Variants in CACNA1F observed in about 807,000 individuals in gnomAD.
CACNA1F encodes calcium voltage-gated channel subunit alpha1 F.
CACNA1F carries 59 observed loss-of-function variants against 143.8 expected under a neutral mutation model. That is an observed-to-expected ratio of 0.41 (90% CI 0.33 to 0.51). The LOEUF is 0.51. Ranked by LOEUF, CACNA1F falls within the 20% of genes least tolerant of loss-of-function variation. The pLI, the probability that CACNA1F is intolerant of heterozygous loss-of-function variation, is 0.22. For missense variants in CACNA1F, 1,411 were observed against 1,647.5 expected, an observed-to-expected ratio of 0.86 and a Z score of 2.48; for synonymous variants, 643 against 649.1, an observed-to-expected ratio of 0.99 and a Z score of 0.14.
chrX:49,233,183 C>T, intron 1 of CACNA1F, 102 bp downstream of exon 1: 2 of 864,272 alleles, frequency 2.3e-6, no homozygotes, highest in African/African-American at 2.0e-5. Context: ...TGGTTCTTGT[C>T]CCCTAGAGGC....
intron 43 of CACNA1F, 100 bp downstream of exon 43, chrX:49,208,411 GCCCT>G: frequency 1.9e-5 from 8 of 414,434 alleles, no homozygotes; most frequent in East Asian, 4.6e-5. Flanking sequence ...AGGCCTCTAG[GCCCT>G]CCCTCCCACC....
rs782665933 is a variant in CACNA1F, at chrX:49,227,255, G to GCAC, written c.1119-131_1119-129dup. 207 of 532,009 alleles carry GCAC rather than the reference G, an allele frequency of 3.9e-4. No individual in the cohort carries two copies. The South Asian group carries it at 5.4e-3, about 14-fold the overall frequency. 43.8% of individuals were successfully genotyped at this position (532,009 alleles called of 1,213,427 possible). A position where few individuals can be genotyped will look rare whatever the true frequency, so the allele number is the denominator to read the frequency against. On this transcript the variant is annotated intron_variant, in intron 8 of 47. Coordinates refer to ENST00000323022, the MANE Select transcript of CACNA1F (RefSeq NM_001256789.3). ...AGCACATTCTAGCCTCAGGGCCTTT[G>GCAC]CACTGACCATTCTCTTTGCTTGGAA...
chrX:49,227,169 G>T, intron 8 of CACNA1F, 42 bp from the exon 9 acceptor site: 1 of 1,053,531 alleles, frequency 9.5e-7, no homozygotes, highest in Non-Finnish European at 1.3e-6. Context: ...GAGCCAATCT[G>T]AACACCTTGC....
At chrX:49,212,340 G>A in intron 33 of CACNA1F, 32 bp from the exon 34 acceptor site, 1 of 1,082,001 alleles carries the variant, frequency 9.2e-7, no homozygotes, top group Non-Finnish European at 1.3e-6. Flanking sequence ...GCAGAGAATA[G>A]ATGCACAGGC....
chrX:49,231,058 G>A, intron 3 of CACNA1F, 69 bp from the exon 4 acceptor site: 2 of 917,783 alleles, frequency 2.2e-6, no homozygotes, highest in Admixed American at 2.4e-5. Context: ...TGACGGGGGC[G>A]TGGGGAGCAT....
Position 49,211,360 on chromosome X carries a change from C to T in CACNA1F, c.4222G>A (p.Ala1408Thr), listed in dbSNP as rs782741094. 53 of 1,208,974 alleles carry T rather than the reference C, an allele frequency of 4.4e-5. 2 individuals carry two copies. In the Admixed American group the frequency reaches 8.3e-4, roughly 19 times the overall value. Residue 1408 changes from alanine to threonine, a missense_variant, in exon 36 of 48, where the codon GCC (alanine) becomes ACC (threonine). This residue lies in a region of CACNA1F where 112 missense variants were observed against 169.2 expected (regional missense o/e 0.66). Transcript: ENST00000323022. ...AGCATGAAGAAGCTGATGAAATAGG[C>T]GATGGCAAAATTGCTACCACAGGTA... ...EFTCGSNFAIAYFISFFMLCA... is the reference protein window; with the variant it reads ...EFTCGSNFAITYFISFFMLCA...
chrX:49,210,478 A>G lies in CACNA1F; in HGVS notation c.4486-75T>C, dbSNP rs2065646000. 3.9e-6 allele frequency: 4 copies of G among 1,013,887 alleles called. No homozygotes were observed. The East Asian group carries it at 1.2e-4, about 31-fold the overall frequency. The allele number at this position is 1,013,887 out of a possible 1,213,427, so 83.6% of individuals were successfully genotyped here. On this transcript the variant is annotated intron_variant, in intron 38 of 47. Transcript: ENST00000323022. Reference sequence around the variant, plus strand: ...CAGGAACGAATGTCAAGGGGCAGAAACCTCTGAGGATGCGATCAAACACCC... The same window carrying G: ...CAGGAACGAATGTCAAGGGGCAGAAGCCTCTGAGGATGCGATCAAACACCC...
At chrX:49,230,816 C>A in intron 4 of CACNA1F, 34 bp downstream of exon 4, 1 of 1,164,760 alleles carries the variant, frequency 8.6e-7, no homozygotes, top group Non-Finnish European at 1.2e-6. Context: ...GGTAGGAAGG[C>A]GACTAGGGTG....
At chrX:49,214,014 C>T (rs2065684971) in intron 30 of CACNA1F, 112 bp from the exon 31 acceptor site, 5 of 641,103 alleles carry the variant, frequency 7.8e-6, no homozygotes, top group Non-Finnish European at 1.3e-5. Flanking sequence ...TTGGATCACA[C>T]GATGGGCCTG....
intron 27 of CACNA1F, 65 bp downstream of exon 27, chrX:49,216,317 T>C: frequency 8.8e-7 from 1 of 1,141,231 alleles, no homozygotes; most frequent in Non-Finnish European, 1.2e-6. Context: ...TCCCAGGAGA[T>C]CCCAACCCAA....
chrX:49,226,164 T>TG (rs1398769956), intron 12 of CACNA1F, 53 bp downstream of exon 12: 13 of 1,131,165 alleles, frequency 1.1e-5, no homozygotes, highest in Non-Finnish European at 1.6e-5. Context: ...GGCTTGGAGG[T>TG]GGGGGGTTTC....
Position 49,216,473 on chromosome X carries a change from G to T in CACNA1F, c.3145C>A (p.Arg1049=). 3.3e-6 allele frequency: 4 copies of T among 1,206,043 alleles called. No individual in the cohort carries two copies. Among genetic ancestry groups the T allele is most frequent in the Non-Finnish European group, 4.5e-6 (4 of 891,824 alleles). ...GDVSRPLVRE[R]LWVNSDFNFD... The stretch of plus-strand genomic sequence containing the variant: ...TTGAAATCACTGTTGACCCAGAGCC[G>T]CTCCCGGACCAGGGGCCGTGACACG... The change falls in exon 27 of 48, where the codon CGG becomes AGG. Residue 1049 remains arginine, a synonymous_variant. Coordinates refer to ENST00000323022, the MANE Select transcript of CACNA1F (RefSeq NM_001256789.3).
chrX:49,219,564 G>T (rs782306742), intron 20 of CACNA1F, 70 bp downstream of exon 20: 33 of 1,172,374 alleles, frequency 2.8e-5, no homozygotes, highest in Non-Finnish European at 3.6e-5. Context: ...TCCCACCTTG[G>T]CTGCTCCTCC....
chrX:49,222,845 G>A lies in CACNA1F; in HGVS notation c.2086-7C>T, dbSNP rs1034041005. ...AGTCCTCACCTGTCAGGATCTGGGG[G>A]TGGGAAGTCACTGTGGAGCTCTTGG... On this transcript the variant is annotated splice_polypyrimidine_tract_variant and splice_region_variant and intron_variant, in intron 15 of 47. Transcript: ENST00000323022. 4 of 1,211,507 alleles carry A rather than the reference G, an allele frequency of 3.3e-6. No individual in the cohort carries two copies. Among genetic ancestry groups the A allele is most frequent in the Middle Eastern group, 4.6e-4 (2 of 4,351 alleles).
chrX:49,214,970 G>T lies in CACNA1F; in HGVS notation c.3597+116C>A. On this transcript the variant is annotated intron_variant, in intron 29 of 47. Transcript: ENST00000323022. ...AAATGTCTTTATAGCTTAAGTTGCT[G>T]TTAGTTGGCAGGGGGTTTGTTATTT... is the stretch of plus-strand genomic sequence containing the variant. The T allele has an allele frequency of 7.7e-6, 5 of 652,219 alleles. No individual in the cohort carries two copies. In the South Asian group the frequency reaches 9.2e-5, roughly 12 times the overall value. 53.8% of individuals were successfully genotyped at this position (652,219 alleles called of 1,213,427 possible). A position where few individuals can be genotyped will look rare whatever the true frequency, so the allele number is the denominator to read the frequency against.
In CACNA1F at chrX:49,227,013, G is replaced by A. The variant is rs782082360; in HGVS notation, c.1233C>T (p.Ala411=). The A allele has an allele frequency of 5.5e-5, 66 of 1,209,724 alleles. No homozygotes were observed. Among genetic ancestry groups the A allele is most frequent in the Middle Eastern group, 2.3e-4 (1 of 4,371 alleles). The change falls in exon 9 of 48, where the codon GCC becomes GCT. Residue 411 remains alanine (A), a synonymous_variant. Coordinates refer to ENST00000323022, the MANE Select transcript of CACNA1F (RefSeq NM_001256789.3). The stretch of plus-strand genomic sequence containing the variant: ...AGGGGTCCTCCATGTCCAGCTCTTC[G>A]GCTTGAGTGATCCAGTCCAGGTAGC... ...LRGYLDWITQ[A]EELDMEDPSA...
Position 49,231,713 on chromosome X carries a change from A to G in CACNA1F, c.240T>C (p.Pro80=), listed in dbSNP as rs2147926217. Residue 80 remains proline, a synonymous_variant, in exon 2 of 48, where the codon CCT becomes CCC. Coordinates refer to ENST00000323022, the MANE Select transcript of CACNA1F (RefSeq NM_001256789.3). ...CGATGCTGATGCAGGACCGTCGCAG[A>G]GGATTGGCCAGGGTGAGGCAGAAGA... ...RALFCLTLAN[P]LRRSCISIVE... is the part of the protein sequence containing the mutation. The G allele has an allele frequency of 3.3e-6, 4 of 1,211,788 alleles. No homozygotes were observed. Among genetic ancestry groups the G allele is most frequent in the Non-Finnish European group, 4.5e-6 (4 of 895,473 alleles).
In CACNA1F at chrX:49,226,862, C is replaced by G. The variant is rs2065830828; in HGVS notation, c.1276+108G>C. ...GGCTGGGGCTAGAGTTGTTGCAGAT[C>G]AGGCCTGGGTGGGTCTCAGGAGGGC... On this transcript the variant is annotated intron_variant, in intron 9 of 47. Transcript: ENST00000323022. 5 of 1,090,078 alleles carry G rather than the reference C, an allele frequency of 4.6e-6. No individual in the cohort carries two copies. In the South Asian group the frequency reaches 9.5e-5, roughly 21 times the overall value. The allele number at this position is 1,090,078 out of a possible 1,213,427, so 89.8% of individuals were successfully genotyped here.
chrX:49,210,504 C>T, intron 38 of CACNA1F, 86 bp downstream of exon 38: 1 of 1,026,039 alleles, frequency 9.7e-7, no homozygotes, highest in Non-Finnish European at 1.4e-6. Context: ...TCAAACACCC[C>T]TCCCCACCCA....
Sources: gnomAD v4.1 joint callset for allele counts on GRCh38, gnomAD v4.1.1 for gene constraint, gnomAD v4.1.1 regional missense constraint, MANE v1.5 for transcripts, NCBI Gene and HGNC (gene_info 2026-07-23, HGNC 2026-07-21) for gene names.